Variants in ZNF76 observed in about 807,000 individuals in gnomAD.
ZNF76 encodes zinc finger protein 523.
A neutral mutation model predicts 66.9 loss-of-function variants in ZNF76; 66 were observed. That is an observed-to-expected ratio of 0.99 (90% confidence interval 0.81 to 1.21). ZNF76 has a LOEUF of 1.21. ZNF76 is among the 50% of genes most tolerant of loss of function. ZNF76 has a pLI of 0.00. For missense variants in ZNF76, 729 were observed against 760.3 expected, an observed-to-expected ratio of 0.96 and a Z score of 0.48; for synonymous variants, 275 against 296.1, an observed-to-expected ratio of 0.93 and a Z score of 0.73.
chr6:35,281,100 G>A lies in ZNF76; in HGVS notation c.-52G>A. On this transcript the variant is annotated 5_prime_UTR_variant, in exon 2 of 14. Coordinates refer to ENST00000373953, the MANE Select transcript of ZNF76 (RefSeq NM_003427.5). The stretch of plus-strand genomic sequence containing the variant: ...ATCTCTGACCTCAGCTGTGGCTCTT[G>A]GTGCTGGCCAGAAGCCAACTTCATG... 1 of 1,567,566 alleles carries A rather than the reference G, an allele frequency of 6.4e-7. No homozygotes were observed. The highest frequency in any genetic ancestry group is 1.4e-5 in the African/African-American group (1 of 74,048).
chr6:35,264,722 C>T (rs1342319645), intron 1 of ZNF76, among the ~76,000 whole-genome samples: 3 of 152,074 alleles, frequency 2.0e-5, no homozygotes, highest in Non-Finnish European at 4.4e-5. Flanking sequence ...TTAGTCCTAA[C>T]CTTTCTCTGA....
chr6:35,269,580 G>A (rs867182299), intron 1 of ZNF76, among the ~76,000 whole-genome samples: 6 of 152,150 alleles, frequency 3.9e-5, no homozygotes, highest in Non-Finnish European at 7.4e-5. Flanking sequence ...GGTTGATAAA[G>A]CATGAGACCC....
chr6:35,292,533 C>G lies in ZNF76; in HGVS notation c.932-21C>G, dbSNP rs976470798. On this transcript the variant is annotated intron_variant, in intron 9 of 13. Coordinates refer to ENST00000373953, the MANE Select transcript of ZNF76 (RefSeq NM_003427.5). The surrounding 1 kb of genome is among the most constrained non-coding windows in gnomAD (Gnocchi z 4.7). ...CTTGCCAGCCCCAGTTCCCACCCCC[C>G]TCACAGCCCAGTGTCCCCAGGGGAG... is the stretch of plus-strand genomic sequence containing the variant. 5 of 1,612,180 alleles carry G rather than the reference C, an allele frequency of 3.1e-6. No homozygotes were observed. Among genetic ancestry groups the G allele is most frequent in the Non-Finnish European group, 3.4e-6 (4 of 1,179,252 alleles).
chr6:35,294,039 G>C, intron 12 of ZNF76, 124 bp downstream of exon 12: 2 of 1,208,462 alleles, frequency 1.7e-6, no homozygotes, highest in Non-Finnish European at 1.1e-6. Flanking sequence ...ACAAAAGAAG[G>C]GGTCTTCCCC....
In ZNF76 at chr6:35,292,821, C is replaced by G; in HGVS notation, c.1165+34C>G. 2 of 1,613,614 alleles carry G rather than the reference C, an allele frequency of 1.2e-6. No homozygotes were observed. Among genetic ancestry groups the G allele is most frequent in the Non-Finnish European group, 1.7e-6 (2 of 1,179,610 alleles). ...AGTGGGCAGAGGGTGAGAGTGGGGA[C>G]AAGCCAGGCCTCCCCATGGCATCTG... On this transcript the variant is annotated intron_variant, in intron 10 of 13. Coordinates refer to ENST00000373953, the MANE Select transcript of ZNF76 (RefSeq NM_003427.5). This position sits in a 1 kb window ranked among gnomAD's most constrained non-coding sequence, Gnocchi z 4.7.
intron 1 of ZNF76, among the ~76,000 whole-genome samples, chr6:35,262,575 G>A (rs944243565): frequency 1.3e-5 from 2 of 152,094 alleles, no homozygotes; most frequent in African/African-American, 2.4e-5. Context: ...CTTAGCCCCA[G>A]GAATCCACAA....
Position 35,263,768 on chromosome 6 carries a change from C to T in ZNF76, c.-97+3927C>T, listed in dbSNP as rs181839226. On this transcript the variant is annotated intron_variant, in intron 1 of 13. Coordinates refer to ENST00000373953, the MANE Select transcript of ZNF76 (RefSeq NM_003427.5). ...TAGGTTTTCTTTTTTCTTTTCTTTT[C>T]GAGATGGAGTCTTACTCTGTCACCC... 4.6e-3 allele frequency among the ~76,000 whole-genome samples: 701 copies of T among 152,140 alleles called. 7 individuals are homozygous for T. The highest frequency in any genetic ancestry group is 0.016 in the African/African-American group (671 of 41,508).
chr6:35,281,147 T>G lies in ZNF76; in HGVS notation c.-5T>G. On this transcript the variant is annotated 5_prime_UTR_variant, in exon 2 of 14. Transcript: ENST00000373953. ...CATGTCTGAGTGCACGAGCAGCAGTTTGCCATGGAGAGCTTGGGGCTGCAC... is the reference window on the plus strand; with the variant it reads ...CATGTCTGAGTGCACGAGCAGCAGTGTGCCATGGAGAGCTTGGGGCTGCAC... The G allele has an allele frequency of 6.2e-7, 1 of 1,614,022 alleles. No individual in the cohort carries two copies. Among genetic ancestry groups the G allele is most frequent in the South Asian group, 1.1e-5 (1 of 91,080 alleles).
chr6:35,276,982 A>G lies in ZNF76; in HGVS notation c.-96-4074A>G, dbSNP rs570578351. Among the ~76,000 whole-genome samples, 30 of 144,880 alleles carry G rather than the reference A, an allele frequency of 2.1e-4. No individual in the cohort carries two copies. In the East Asian group the frequency reaches 5.6e-3, roughly 27 times the overall value. On this transcript the variant is annotated intron_variant, in intron 1 of 13. Transcript: ENST00000373953. Reference sequence around the variant, plus strand: ...TTTTGTATTTTTTTTTTTTTTTAGCAGAGGCGGGGTTTCACCATGTTGGTC... The same window carrying G: ...TTTTGTATTTTTTTTTTTTTTTAGCGGAGGCGGGGTTTCACCATGTTGGTC...
At chr6:35,270,753 T>G (rs937292279) in intron 1 of ZNF76, among the ~76,000 whole-genome samples, 5 of 152,148 alleles carry the variant, frequency 3.3e-5, no homozygotes, top group Admixed American at 3.3e-4. Context: ...GAGATGGGGT[T>G]TCACCATGTT....
chr6:35,279,288 C>G (rs1788387768), intron 1 of ZNF76: 1 of 167,036 alleles, frequency 6.0e-6, no homozygotes, highest in African/African-American at 2.4e-5. Flanking sequence ...CCTGAGTTTA[C>G]CTTTCCCCAG....
At position 35,293,841 on chromosome 6, in the gene ZNF76, C is replaced by T; in HGVS notation, c.1420C>T (p.Pro474Ser). Reference sequence around the variant, plus strand: ...CAGCACCACCCTCACCATCCCCAGTCCTGATGCCGACCTGGCCACATCTGG... The same window carrying T: ...CAGCACCACCCTCACCATCCCCAGTTCTGATGCCGACCTGGCCACATCTGG... ...HGSTTLTIPSPDADLATSGTH... is the reference protein window; with the variant it reads ...HGSTTLTIPSSDADLATSGTH... Residue 474 changes from proline to serine, a missense_variant, in exon 12 of 14, where the codon CCT becomes TCT. Transcript: ENST00000373953. The T allele has an allele frequency of 1.9e-6, 3 of 1,614,166 alleles. No individual in the cohort carries two copies. The highest frequency in any genetic ancestry group is 2.5e-6 in the Non-Finnish European group (3 of 1,180,028).
Position 35,295,250 on chromosome 6 carries a change from T to TC in ZNF76, c.*4dup. The TC allele has an allele frequency of 6.3e-7, 1 of 1,597,762 alleles. No homozygotes were observed. Among genetic ancestry groups the TC allele is most frequent in the Non-Finnish European group, 8.5e-7 (1 of 1,172,574 alleles). On this transcript the variant is annotated 3_prime_UTR_variant, in exon 14 of 14. Transcript: ENST00000373953. ...ACAGTGTCGGAGAGTGGCTGCTGAG[T>TC]CCAAGAGGGCTGGGTCCCACACCAT...
intron 1 of ZNF76, among the ~76,000 whole-genome samples, chr6:35,268,641 A>G (rs1340844838): frequency 2.0e-5 from 3 of 152,024 alleles, no homozygotes; most frequent in African/African-American, 7.2e-5. Context: ...CTCTACTAAA[A>G]ATACAAAAAT....
intron 1 of ZNF76, among the ~76,000 whole-genome samples, chr6:35,261,318 A>G (rs1174792982): frequency 6.6e-6 from 1 of 152,160 alleles, no homozygotes; most frequent in Non-Finnish European, 1.5e-5. Context: ...TACTACTGAC[A>G]TCTTGGAATC....
chr6:35,264,100 G>A (rs898135099), intron 1 of ZNF76, among the ~76,000 whole-genome samples: 9 of 152,194 alleles, frequency 5.9e-5, no homozygotes, highest in African/African-American at 2.2e-4. Flanking sequence ...TTAGCAGGTA[G>A]TCAGTACTTA....
chr6:35,263,772 A>G (rs1170503171), intron 1 of ZNF76, among the ~76,000 whole-genome samples: 1 of 152,080 alleles, frequency 6.6e-6, no homozygotes, highest in Non-Finnish European at 1.5e-5. Flanking sequence ...TCTTTTCGAG[A>G]TGGAGTCTTA....
At chr6:35,277,832 G>A (rs1002710853) in intron 1 of ZNF76, among the ~76,000 whole-genome samples, 5 of 152,262 alleles carry the variant, frequency 3.3e-5, no homozygotes, top group Middle Eastern at 3.4e-3. Context: ...TCAGCGTGTC[G>A]CAGTTGGTCT....
At chr6:35,290,543 A>G (rs1167895420) in intron 6 of ZNF76, 98 bp from the exon 7 acceptor site, 21 of 1,524,906 alleles carry the variant, frequency 1.4e-5, no homozygotes, top group Non-Finnish European at 1.3e-5. Context: ...ACACACATGA[A>G]TGGTACAGGA....
Sources: gnomAD v4.1 joint callset for allele counts (sites outside exome capture counted in the v4.1 genomes callset) on GRCh38, gnomAD v4.1.1 for gene constraint, Gnocchi (gnomAD v3.1) non-coding constraint, MANE v1.5 for transcripts, NCBI Gene and HGNC (gene_info 2026-07-23, HGNC 2026-07-21) for gene names.